Variants in HSPA12A observed in about 807,000 individuals in gnomAD.
The protein encoded by HSPA12A is heat shock protein family A (Hsp70) member 12A, also known as heat shock 70 kDa protein 12A.
A neutral mutation model predicts 69.2 loss-of-function variants in HSPA12A; 28 were observed. That is an observed-to-expected ratio of 0.40 (90% CI 0.30 to 0.55). HSPA12A has a LOEUF of 0.55. HSPA12A is among the 20% of genes least tolerant of loss of function. The pLI, the probability that HSPA12A is intolerant of heterozygous loss-of-function variation, is 0.38. For missense variants in HSPA12A, 686 were observed against 900.7 expected (o/e 0.76, Z 3.05); for synonymous variants, 345 against 370.5 (o/e 0.93, Z 0.79).
chr10:116,792,803 A>AAAAGG (rs1187541160), intron 2 of HSPA12A, among the ~76,000 whole-genome samples: 2 of 151,500 alleles, frequency 1.3e-5, no homozygotes, highest in African/African-American at 4.8e-5. Flanking sequence ...AAAAGAAAAG[A>AAAAGG]AAAGAAAGAA....
intron 1 of HSPA12A, among the ~76,000 whole-genome samples, chr10:116,849,200 C>G: frequency 6.6e-6 from 1 of 152,174 alleles, no homozygotes; most frequent in East Asian, 1.9e-4. Context: ...GCGCGCGACC[C>G]CAGCCGGAAT....
At chr10:116,697,061 C>T (rs1849927560) in intron 5 of HSPA12A, among the ~76,000 whole-genome samples, 1 of 152,052 alleles carries the variant, frequency 6.6e-6, no homozygotes, top group South Asian at 2.1e-4. Flanking sequence ...TCTACACTGC[C>T]ATAACTTGTA....
At chr10:116,837,052 C>T (rs1006071311) in intron 1 of HSPA12A, among the ~76,000 whole-genome samples, 2 of 152,126 alleles carry the variant, frequency 1.3e-5, no homozygotes, top group Non-Finnish European at 2.9e-5. Flanking sequence ...GCTGATTTTT[C>T]AGACCTGTCA....
At chr10:116,803,072 T>G (rs1310353344) in intron 2 of HSPA12A, among the ~76,000 whole-genome samples, 1 of 152,158 alleles carries the variant, frequency 6.6e-6, no homozygotes, top group Non-Finnish European at 1.5e-5. Context: ...TGTTCGTTAC[T>G]GCAGCCTTAC....
chr10:116,795,060 G>A (rs1844787809), intron 2 of HSPA12A, among the ~76,000 whole-genome samples: 2 of 152,170 alleles, frequency 1.3e-5, no homozygotes, highest in African/African-American at 2.4e-5. Flanking sequence ...AGATTAATGA[G>A]GTAAGTATTC....
intron 1 of HSPA12A, among the ~76,000 whole-genome samples, chr10:116,836,866 C>T (rs947447681): frequency 6.6e-6 from 1 of 151,856 alleles, no homozygotes; most frequent in Non-Finnish European, 1.5e-5. Context: ...TCTTCATCAC[C>T]CATGCCATTC....
intron 1 of HSPA12A, among the ~76,000 whole-genome samples, chr10:116,835,471 A>G (rs1043817751): frequency 1.3e-5 from 2 of 151,450 alleles, no homozygotes; most frequent in African/African-American, 2.4e-5. Context: ...GACAGAGCCA[A>G]TGTACCACCA....
intron 2 of HSPA12A, chr10:116,750,817 C>A: frequency 6.1e-6 from 1 of 162,864 alleles, no homozygotes; most frequent in Non-Finnish European, 1.3e-5. Flanking sequence ...TCTACAGAAA[C>A]TAAAAATTAG....
chr10:116,778,892 A>G (rs1844400800), intron 2 of HSPA12A, among the ~76,000 whole-genome samples: 1 of 152,216 alleles, frequency 6.6e-6, no homozygotes, highest in African/African-American at 2.4e-5. Flanking sequence ...CTGTGACTGC[A>G]CCATTGCACT....
intron 2 of HSPA12A, among the ~76,000 whole-genome samples, chr10:116,783,918 G>C (rs527830227): frequency 2.4e-4 from 36 of 152,268 alleles, no homozygotes; most frequent in African/African-American, 8.2e-4. Flanking sequence ...TGGCCAGTAC[G>C]GTCTTGAACT....
chr10:116,775,572 C>A (rs1315849830), intron 2 of HSPA12A, among the ~76,000 whole-genome samples: 2 of 152,168 alleles, frequency 1.3e-5, no homozygotes, highest in East Asian at 1.9e-4. Flanking sequence ...TCAGGGCACC[C>A]GATGAGAGGG....
chr10:116,758,241 G>A (rs1260729080), intron 2 of HSPA12A, among the ~76,000 whole-genome samples: 5 of 152,138 alleles, frequency 3.3e-5, no homozygotes, highest in Admixed American at 3.3e-4. Flanking sequence ...CCTGCCTTCT[G>A]AGAAGCATCG....
At chr10:116,771,521 G>A (rs11197815) in intron 2 of HSPA12A, among the ~76,000 whole-genome samples, 2,881 of 152,368 alleles carry the variant, frequency 0.019, 97 homozygotes, top group African/African-American at 0.066. Context: ...GGCCAGGGCA[G>A]AGCCTGGGTC....
chr10:116,731,570 T>G (rs892075922), intron 1 of HSPA12A, among the ~76,000 whole-genome samples: 42 of 152,220 alleles, frequency 2.8e-4, no homozygotes, highest in African/African-American at 9.6e-4. Context: ...ATGAAACTTT[T>G]ACATGGGAGA....
chr10:116,810,441 C>T (rs914768743), intron 2 of HSPA12A, among the ~76,000 whole-genome samples: 14 of 152,298 alleles, frequency 9.2e-5, no homozygotes, highest in African/African-American at 3.4e-4. Context: ...TCTACCACCT[C>T]CCCTGCCCTT....
intron 2 of HSPA12A, among the ~76,000 whole-genome samples, chr10:116,801,797 T>C (rs1450569039): frequency 1.3e-5 from 2 of 151,934 alleles, no homozygotes; most frequent in Non-Finnish European, 2.9e-5. Flanking sequence ...GCTTACTTAA[T>C]AGTATTGTAC....
Position 116,672,957 on chromosome 10 carries a change from C to T in HSPA12A, c.*1824G>A, listed in dbSNP as rs563713936. Reference sequence around the variant, plus strand: ...TTCTAGTAGGGAATTCTGCAGCAGGCGATGCGAAAAAGAAGACATGGTCAA... The same window carrying T: ...TTCTAGTAGGGAATTCTGCAGCAGGTGATGCGAAAAAGAAGACATGGTCAA... On this transcript the variant is annotated 3_prime_UTR_variant, in exon 12 of 12. Coordinates refer to ENST00000369209, the MANE Select transcript of HSPA12A (RefSeq NM_025015.3). 3.3e-5 allele frequency: 5 copies of T among 152,504 alleles called. No homozygotes were observed. The highest frequency in any genetic ancestry group is 3.9e-4 in the East Asian group (2 of 5,180). The allele number at this position is 152,504 out of a possible 1,614,324, so 9.4% of individuals were successfully genotyped here. A position where few individuals can be genotyped will look rare whatever the true frequency, so the allele number is the denominator to read the frequency against.
intron 2 of HSPA12A, among the ~76,000 whole-genome samples, chr10:116,777,590 C>T (rs1310541475): frequency 2.0e-5 from 3 of 152,208 alleles, no homozygotes; most frequent in African/African-American, 7.2e-5. Context: ...TTTTCAGCTA[C>T]CCACATGATG....
chr10:116,720,846 A>C (rs937351151), intron 1 of HSPA12A, among the ~76,000 whole-genome samples: 1 of 152,210 alleles, frequency 6.6e-6, no homozygotes, highest in Non-Finnish European at 1.5e-5. Flanking sequence ...CAATGCTAAA[A>C]GGGGCTCCAA....
Sources: gnomAD v4.1 joint callset for allele counts (sites outside exome capture counted in the v4.1 genomes callset) on GRCh38, gnomAD v4.1.1 for gene constraint, MANE v1.5 for transcripts, NCBI Gene and HGNC (gene_info 2026-07-23, HGNC 2026-07-21) for gene names.